The following FHIT variants were observed in gnomAD, a reference collection of about 807,000 sequenced individuals.
The protein encoded by FHIT is bis(5'-adenosyl)-triphosphatase.
In FHIT, 19 loss-of-function variants were observed where a neutral mutation model predicts 17.9. The ratio of observed to expected loss-of-function variants is 1.06; its 90% CI spans 0.74 to 1.56. The LOEUF is 1.56. FHIT is among the 40% of genes most tolerant of loss of function. FHIT has a pLI of 0.00. For missense variants in FHIT, 248 were observed against 189.2 expected (o/e 1.31, Z -1.82); for synonymous variants, 81 against 69.7 (o/e 1.16, Z -0.81).
intron 5 of FHIT, among the ~76,000 whole-genome samples, chr3:60,016,291 T>A (rs1240494841): frequency 6.6e-6 from 1 of 152,212 alleles, no homozygotes; most frequent in African/African-American, 2.4e-5. Flanking sequence ...AGAGTTTTTT[T>A]AGCAATAATA....
Position 60,360,431 on chromosome 3 carries a change from T to C in FHIT, c.103+176429A>G, listed in dbSNP as rs112106230. On this transcript the variant is annotated intron_variant, in intron 5 of 9. Coordinates refer to ENST00000492590, the MANE Select transcript of FHIT (RefSeq NM_002012.4). The stretch of plus-strand genomic sequence containing the variant: ...TGCACAGAGTTCAGATACTAAATAG[T>C]GAAGTGATCCATTCAGCCTAGAAGA... Among the ~76,000 whole-genome samples, 834 of 152,136 alleles carry C rather than the reference T, an allele frequency of 5.5e-3. 6 individuals carry two copies. Among genetic ancestry groups the C allele is most frequent in the South Asian group, 0.023 (111 of 4,808 alleles).
chr3:60,210,333 C>A (rs990272264), intron 5 of FHIT, among the ~76,000 whole-genome samples: 1 of 151,926 alleles, frequency 6.6e-6, no homozygotes, highest in African/African-American at 2.4e-5. Flanking sequence ...ACTATGAAAA[C>A]TAAAATTAAG....
intron 3 of FHIT, among the ~76,000 whole-genome samples, chr3:60,968,311 T>C (rs1709845345): frequency 6.6e-6 from 1 of 152,134 alleles, no homozygotes. Flanking sequence ...TTAAACTGAC[T>C]AGGGTCTCTA....
intron 5 of FHIT, among the ~76,000 whole-genome samples, chr3:60,219,561 A>T (rs762259155): frequency 2.0e-5 from 3 of 152,190 alleles, no homozygotes; most frequent in South Asian, 4.1e-4. Context: ...TTAGAGAAAC[A>T]TCAATTTAAA....
At chr3:59,870,425 A>G (rs1702865363) in intron 8 of FHIT, among the ~76,000 whole-genome samples, 1 of 152,236 alleles carries the variant, frequency 6.6e-6, no homozygotes, top group African/African-American at 2.4e-5. Flanking sequence ...CACTCAGTTC[A>G]GTCTTAACGA....
intron 5 of FHIT, among the ~76,000 whole-genome samples, chr3:60,146,678 T>C (rs1700256646): frequency 6.6e-6 from 1 of 152,104 alleles, no homozygotes; most frequent in Non-Finnish European, 1.5e-5. Context: ...ATGGGGTAAG[T>C]GTAGCCCTCC....
intron 7 of FHIT, among the ~76,000 whole-genome samples, chr3:59,984,507 T>G (rs760703625): frequency 1.1e-4 from 17 of 152,112 alleles, no homozygotes; most frequent in Non-Finnish European, 1.8e-4. Context: ...GGCTAAACAT[T>G]GTTCCTAAAG....
intron 4 of FHIT, among the ~76,000 whole-genome samples, chr3:60,790,250 G>A (rs1700728411): frequency 6.6e-6 from 1 of 152,168 alleles, no homozygotes; most frequent in African/African-American, 2.4e-5. Flanking sequence ...GGTCCCAAAA[G>A]TAAGGAAAGC....
At position 60,578,476 on chromosome 3, in the gene FHIT, C is replaced by CACACAG. The variant is rs374226661; in HGVS notation, c.-17-41498_-17-41497insCTGTGT. ...ACACACACACACACACACACACACACGATAAATATTCACATCATCTGCCTT... is the reference window on the plus strand; with the variant it reads ...ACACACACACACACACACACACACACACACAGGATAAATATTCACATCATCTGCCTT... On this transcript the variant is annotated intron_variant, in intron 4 of 9. Coordinates refer to ENST00000492590, the MANE Select transcript of FHIT (RefSeq NM_002012.4). 1.4e-4 allele frequency among the ~76,000 whole-genome samples: 21 copies of CACACAG among 148,294 alleles called. No homozygotes were observed. The Admixed American group carries it at 1.4e-3, about 10-fold the overall frequency.
intron 8 of FHIT, among the ~76,000 whole-genome samples, chr3:59,862,875 A>G (rs1377572364): frequency 9.8e-6 from 1 of 102,224 alleles, no homozygotes; most frequent in Non-Finnish European, 1.9e-5. Flanking sequence ...ACCAACTTCC[A>G]TGAGTCATTC....
intron 4 of FHIT, among the ~76,000 whole-genome samples, chr3:60,575,460 C>G (rs560914738): frequency 6.6e-6 from 1 of 152,170 alleles, no homozygotes; most frequent in African/African-American, 2.4e-5. Flanking sequence ...CTGTAGTGGA[C>G]TGGAACTCAT....
chr3:61,137,096 G>T (rs1314497199), intron 2 of FHIT, among the ~76,000 whole-genome samples: 1 of 152,108 alleles, frequency 6.6e-6, no homozygotes, highest in African/African-American at 2.4e-5. Context: ...GATACTCAAT[G>T]AACTGATAGC....
intron 8 of FHIT, among the ~76,000 whole-genome samples, chr3:59,756,156 G>A (rs1044211171): frequency 2.0e-5 from 3 of 152,122 alleles, no homozygotes; most frequent in African/African-American, 7.2e-5. Context: ...GTTGTTTCTA[G>A]GAGTAAAAGT....
At chr3:60,940,951 G>A (rs782376430) in intron 3 of FHIT, among the ~76,000 whole-genome samples, 6 of 152,128 alleles carry the variant, frequency 3.9e-5, no homozygotes, top group Non-Finnish European at 8.8e-5. Flanking sequence ...TATCATAGGA[G>A]CCACATGTCT....
At chr3:59,932,231 G>A (rs1397137278) in intron 7 of FHIT, among the ~76,000 whole-genome samples, 1 of 152,062 alleles carries the variant, frequency 6.6e-6, no homozygotes, top group Non-Finnish European at 1.5e-5. Flanking sequence ...CACATAAAAT[G>A]CTGTGATAGG....
chr3:60,971,230 C>T (rs1390596813), intron 3 of FHIT, among the ~76,000 whole-genome samples: 1 of 152,060 alleles, frequency 6.6e-6, no homozygotes, highest in Non-Finnish European at 1.5e-5. Flanking sequence ...GTTAGCCGAG[C>T]ATGGTGGTGT....
intron 4 of FHIT, among the ~76,000 whole-genome samples, chr3:60,697,734 AC>A (rs782574107): frequency 2.8e-4 from 42 of 152,212 alleles, no homozygotes; most frequent in Middle Eastern, 3.4e-3. Flanking sequence ...ATGGTTTCTG[AC>A]CCCTTGTGTC....
chr3:60,516,105 T>C (rs1396760613), intron 5 of FHIT, among the ~76,000 whole-genome samples: 1 of 152,164 alleles, frequency 6.6e-6, no homozygotes, highest in East Asian at 1.9e-4. Context: ...TCCACAAACC[T>C]GTTGGTCTCT....
chr3:60,627,698 ATT>A (rs1447186298), intron 4 of FHIT, among the ~76,000 whole-genome samples: 11 of 151,998 alleles, frequency 7.2e-5, no homozygotes, highest in African/African-American at 2.7e-4. Flanking sequence ...TAATTTTCGT[ATT>A]TTTAGTAGAG....
Sources: allele counts gnomAD v4.1 joint callset (sites outside exome capture counted in the v4.1 genomes callset), GRCh38; gene constraint gnomAD v4.1.1; transcripts MANE v1.5; gene names NCBI Gene and HGNC (gene_info 2026-07-23, HGNC 2026-07-21).